The following NOX4 variants were observed in gnomAD, a reference collection of about 807,000 sequenced individuals.
The protein encoded by NOX4 is kidney oxidase-1.
NOX4 carries 69 observed loss-of-function variants against 87.6 expected under a neutral mutation model. The observed-to-expected ratio is 0.79, with a 90% confidence interval of 0.65 to 0.96. The LOEUF (loss-of-function observed/expected upper bound fraction) is 0.96, where lower values mean the gene tolerates loss of function less well. Among genes scored for constraint, NOX4 ranks in the 40% least tolerant of loss-of-function variants. The pLI is 0.00. For synonymous variants in NOX4, 275 were observed against 238.2 expected, an observed-to-expected ratio of 1.15 and a Z score of -1.42; for missense variants, 680 against 681.5, an observed-to-expected ratio of 1.00 and a Z score of 0.02.
intron 13 of NOX4, among the ~76,000 whole-genome samples, chr11:89,353,830 T>C (rs558079272): frequency 7.9e-5 from 12 of 152,302 alleles, no homozygotes; most frequent in African/African-American, 2.6e-4. Flanking sequence ...CCAATCCTTT[T>C]AGGCACATTC....
the NOX4 span, among the ~76,000 whole-genome samples, chr11:89,543,707 A>C: frequency 6.6e-6 from 1 of 152,250 alleles, no homozygotes; most frequent in African/African-American, 2.4e-5. Flanking sequence ...AGAATCATCA[A>C]AACCAGCAAA....
chr11:89,492,920 A>T (rs3017887), upstream of NOX4, among the ~76,000 whole-genome samples: 1 of 151,994 alleles, frequency 6.6e-6, no homozygotes, highest in Non-Finnish European at 1.5e-5. Context: ...AAAAGCTTAG[A>T]GACTTTCAGA....
intron 7 of NOX4, among the ~76,000 whole-genome samples, chr11:89,429,160 A>G (rs1943629408): frequency 6.6e-6 from 1 of 152,222 alleles, no homozygotes. Context: ...TTTGAAAACA[A>G]TGAGAAAAAA....
At chr11:89,403,469 T>G (rs1941990040) in intron 8 of NOX4, among the ~76,000 whole-genome samples, 1 of 152,220 alleles carries the variant, frequency 6.6e-6, no homozygotes, top group South Asian at 2.1e-4. Context: ...CAGTACATGC[T>G]TTTTAAATTA....
At chr11:89,437,306 C>A (rs1944128055) in intron 6 of NOX4, among the ~76,000 whole-genome samples, 1 of 152,098 alleles carries the variant, frequency 6.6e-6, no homozygotes, top group Admixed American at 6.6e-5. Flanking sequence ...TGAGAACATT[C>A]AGAGATGGCT....
the NOX4 span, among the ~76,000 whole-genome samples, chr11:89,582,986 A>G: frequency 2.0e-5 from 3 of 152,204 alleles, no homozygotes; most frequent in Non-Finnish European, 4.4e-5. Flanking sequence ...AAATAACTGA[A>G]TCACATACAA....
At chr11:89,449,792 A>T (rs533586156) in intron 3 of NOX4, among the ~76,000 whole-genome samples, 2 of 152,182 alleles carry the variant, frequency 1.3e-5, no homozygotes, top group African/African-American at 4.8e-5. Context: ...CTGCACTGTG[A>T]TCTTATATTG....
At chr11:89,491,466 G>A (rs538839247), upstream of NOX4, 109 of 523,982 alleles carry the variant, frequency 2.1e-4, no homozygotes, top group African/African-American at 1.8e-3. Context: ...CACCCGCACC[G>A]GGTCAGCTCT....
chr11:89,369,141 G>T (rs1939244066), intron 12 of NOX4, among the ~76,000 whole-genome samples: 1 of 151,988 alleles, frequency 6.6e-6, no homozygotes, highest in African/African-American at 2.4e-5. Flanking sequence ...GTGTAACAGT[G>T]CAGATCCAGG....
chr11:89,374,721 A>G (rs1051638419), intron 11 of NOX4, among the ~76,000 whole-genome samples: 3 of 152,172 alleles, frequency 2.0e-5, no homozygotes, highest in Non-Finnish European at 4.4e-5. Context: ...AAATCAAACG[A>G]AATAGGAGGA....
chr11:89,420,581 C>T (rs979852716), intron 8 of NOX4, among the ~76,000 whole-genome samples: 1 of 151,982 alleles, frequency 6.6e-6, no homozygotes, highest in Non-Finnish European at 1.5e-5. Context: ...ATACTGCTGT[C>T]TTAATCAGCA....
intron 2 of NOX4, among the ~76,000 whole-genome samples, chr11:89,479,529 T>G (rs1434887175): frequency 6.6e-6 from 1 of 152,220 alleles, no homozygotes; most frequent in Non-Finnish European, 1.5e-5. Flanking sequence ...ACTTTGGTTA[T>G]ATCACTCATC....
At chr11:89,524,480 GTT>G in the NOX4 span, among the ~76,000 whole-genome samples, 1 of 152,052 alleles carries the variant, frequency 6.6e-6, no homozygotes, top group Non-Finnish European at 1.5e-5. Context: ...GGCTCAGAAA[GTT>G]TACCTAATTT....
chr11:89,540,144 G>A, the NOX4 span, among the ~76,000 whole-genome samples: 1 of 152,086 alleles, frequency 6.6e-6, no homozygotes, highest in Non-Finnish European at 1.5e-5. Flanking sequence ...AGACAATCAT[G>A]GGAAATCCAC....
intron 7 of NOX4, among the ~76,000 whole-genome samples, chr11:89,422,795 ATTTTT>A (rs147956211): frequency 3.6e-5 from 4 of 110,980 alleles, no homozygotes; most frequent in Non-Finnish European, 3.7e-5. Context: ...CAAAGTTCTG[ATTTTT>A]TTTTTTTTTT....
intron 13 of NOX4, among the ~76,000 whole-genome samples, chr11:89,345,915 T>A (rs1002652137): frequency 1.3e-5 from 2 of 152,082 alleles, no homozygotes; most frequent in African/African-American, 2.4e-5. Context: ...CTCACCACTC[T>A]TATTCAACAT....
At chr11:89,575,863 T>A in the NOX4 span, among the ~76,000 whole-genome samples, 13 of 152,196 alleles carry the variant, frequency 8.5e-5, no homozygotes, top group Admixed American at 8.5e-4. Flanking sequence ...AAATTCAAGT[T>A]TTGTCACTTG....
intron 12 of NOX4, among the ~76,000 whole-genome samples, chr11:89,357,223 T>A (rs1329545465): frequency 1.3e-5 from 2 of 152,152 alleles, no homozygotes; most frequent in East Asian, 3.9e-4. Flanking sequence ...ACTGTTTTTT[T>A]TTCTCTCAAA....
chr11:89,460,635 G>C (rs1342397488), intron 2 of NOX4, among the ~76,000 whole-genome samples: 1 of 152,064 alleles, frequency 6.6e-6, no homozygotes, highest in Admixed American at 6.6e-5. Flanking sequence ...TTAGAATGGT[G>C]ATCATTAAAA....
Sources: gnomAD v4.1 joint callset for allele counts (sites outside exome capture counted in the v4.1 genomes callset) on GRCh38, gnomAD v4.1.1 for gene constraint, MANE v1.5 for transcripts, NCBI Gene and HGNC (gene_info 2026-07-23, HGNC 2026-07-21) for gene names.